LAMA2: variants seen among roughly 807,000 people sequenced by gnomAD.
LAMA2 encodes laminin subunit alpha-2.
LAMA2 carries 269 observed loss-of-function variants against 364.8 expected under a neutral mutation model. The ratio of observed to expected loss-of-function variants is 0.74; its 90% confidence interval spans 0.67 to 0.82. The LOEUF (loss-of-function observed/expected upper bound fraction) is 0.82. LAMA2 is among the 40% of genes least tolerant of loss of function. The pLI, the probability that LAMA2 is intolerant of heterozygous loss-of-function variation, is 0.00. For synonymous variants in LAMA2, 1,379 were observed against 1,370.6 expected (o/e 1.01, Z -0.14); for missense variants, 3,807 against 3,873.2 (o/e 0.98, Z 0.45).
intron 4 of LAMA2, among the ~76,000 whole-genome samples, chr6:129,115,958 A>C (rs558958783): frequency 1.4e-4 from 22 of 151,904 alleles, no homozygotes; most frequent in Non-Finnish European, 2.9e-4. Context: ...TCTTTTCCTG[A>C]CCTCCTAGGG....
chr6:129,482,876 T>C (rs931154709), intron 55 of LAMA2, among the ~76,000 whole-genome samples: 8 of 151,724 alleles, frequency 5.3e-5, no homozygotes, highest in Non-Finnish European at 7.4e-5. Flanking sequence ...CTGGCCAACA[T>C]AGTGAAATCC....
intron 17 of LAMA2, among the ~76,000 whole-genome samples, chr6:129,271,492 CAG>C (rs1787933953): frequency 1.7e-5 from 2 of 116,306 alleles, no homozygotes; most frequent in Admixed American, 1.1e-4. Flanking sequence ...TTTTTTGAGA[CAG>C]AGTCTCGCTC....
chr6:128,948,808 A>G (rs1421911216), intron 1 of LAMA2, among the ~76,000 whole-genome samples: 3 of 152,114 alleles, frequency 2.0e-5, no homozygotes, highest in Admixed American at 6.6e-5. Context: ...TCCATGTGAC[A>G]TGTGTGCTCC....
At chr6:128,929,843 A>G in intron 1 of LAMA2, 1 of 1,021,710 alleles carries the variant, frequency 9.8e-7, no homozygotes. Context: ...CTTGTAAGTG[A>G]AAAACTTGCC....
At chr6:129,264,533 G>A (rs1368780807) in intron 15 of LAMA2, among the ~76,000 whole-genome samples, 7 of 152,100 alleles carry the variant, frequency 4.6e-5, no homozygotes, top group African/African-American at 9.6e-5. Context: ...TTTGGAAGGC[G>A]TCATAAACTA....
At chr6:129,037,018 C>G (rs1441164848) in intron 1 of LAMA2, among the ~76,000 whole-genome samples, 2 of 152,240 alleles carry the variant, frequency 1.3e-5, no homozygotes, top group African/African-American at 2.4e-5. Context: ...CCAATATGCT[C>G]TGACACACCC....
intron 40 of LAMA2, among the ~76,000 whole-genome samples, chr6:129,415,936 A>ACTTT (rs1195076051): frequency 9.6e-6 from 1 of 103,836 alleles, no homozygotes. Flanking sequence ...GAAATTATAC[A>ACTTT]CTTTCTTTCT....
rs906336324 is a variant in LAMA2, at chr6:129,325,591, ACT to A, written c.4177-2674_4177-2673del. On this transcript the variant is annotated intron_variant, in intron 28 of 64. Coordinates refer to ENST00000421865, the MANE Select transcript of LAMA2 (RefSeq NM_000426.4). ...GTTTCTAATCTTTGCGTTGTCAAATACTCTCTCTCTCTCTTTTGCTACCTCAT... is the reference window on the plus strand; with the variant it reads ...GTTTCTAATCTTTGCGTTGTCAAATACTCTCTCTCTCTTTTGCTACCTCAT... Among the ~76,000 whole-genome samples the A allele has an allele frequency of 5.3e-5, 8 of 151,132 alleles. No homozygotes were observed. In the East Asian group the frequency reaches 7.8e-4, roughly 15 times the overall value.
At chr6:129,021,520 T>A (rs1004801134) in intron 1 of LAMA2, among the ~76,000 whole-genome samples, 1 of 152,206 alleles carries the variant, frequency 6.6e-6, no homozygotes, top group Non-Finnish European at 1.5e-5. Context: ...GAAGCTCTCA[T>A]GTTATTTTTC....
At chr6:129,429,757 C>A (rs923531619) in intron 41 of LAMA2, among the ~76,000 whole-genome samples, 4 of 152,102 alleles carry the variant, frequency 2.6e-5, no homozygotes, top group African/African-American at 4.8e-5. Context: ...AGGAAGGGAG[C>A]GAGGTGATTC....
intron 3 of LAMA2, among the ~76,000 whole-genome samples, chr6:129,078,019 A>G (rs769215692): frequency 5.9e-5 from 9 of 152,092 alleles, no homozygotes; most frequent in Non-Finnish European, 1.3e-4. Flanking sequence ...GGTAATTTTG[A>G]CGTGTCAATG....
chr6:129,489,353 CCCTT>C (rs1274988620), intron 56 of LAMA2, among the ~76,000 whole-genome samples: 2 of 133,242 alleles, frequency 1.5e-5, no homozygotes, highest in East Asian at 2.2e-4. Flanking sequence ...CATTCTCTCT[CCCTT>C]CCACCCCTTC....
intron 1 of LAMA2, among the ~76,000 whole-genome samples, chr6:128,898,637 T>C (rs922153887): frequency 6.6e-5 from 10 of 152,234 alleles, no homozygotes; most frequent in Non-Finnish European, 1.3e-4. Flanking sequence ...TTCTTTTCTC[T>C]TTTCCATTTT....
chr6:129,395,107 A>G (rs1037971913), intron 37 of LAMA2, among the ~76,000 whole-genome samples: 3 of 152,156 alleles, frequency 2.0e-5, no homozygotes, highest in Admixed American at 1.3e-4. Context: ...GCTCCCACCT[A>G]GAGAGTCTGT....
intron 9 of LAMA2, among the ~76,000 whole-genome samples, chr6:129,176,260 A>G (rs1170293783): frequency 6.6e-6 from 1 of 151,912 alleles, no homozygotes; most frequent in Non-Finnish European, 1.5e-5. Context: ...TTCTCTCATC[A>G]TGTTTGATAT....
At chr6:129,060,316 A>G (rs1788807795) in intron 3 of LAMA2, among the ~76,000 whole-genome samples, 1 of 152,228 alleles carries the variant, frequency 6.6e-6, no homozygotes, top group African/African-American at 2.4e-5. Context: ...ATTGCCTCTC[A>G]TTACTGAGAG....
intron 1 of LAMA2, among the ~76,000 whole-genome samples, chr6:128,990,301 A>C (rs1392287552): frequency 6.7e-6 from 1 of 149,246 alleles, no homozygotes; most frequent in African/African-American, 2.5e-5. Flanking sequence ...TTAATTATTG[A>C]TTATTTATGG....
chr6:129,407,945 A>T (rs1443101388), intron 40 of LAMA2, among the ~76,000 whole-genome samples: 1 of 151,974 alleles, frequency 6.6e-6, no homozygotes, highest in African/African-American at 2.4e-5. Flanking sequence ...CAACACTGAA[A>T]CCCCCTTCTT....
At chr6:128,887,923 T>C (rs1449001160) in intron 1 of LAMA2, among the ~76,000 whole-genome samples, 2 of 152,106 alleles carry the variant, frequency 1.3e-5, no homozygotes, top group African/African-American at 4.8e-5. Flanking sequence ...CAACTTATCA[T>C]CTATCCAGTT....
Sources: gnomAD v4.1 joint callset for allele counts (sites outside exome capture counted in the v4.1 genomes callset) on GRCh38, gnomAD v4.1.1 for gene constraint, MANE v1.5 for transcripts, NCBI Gene and HGNC (gene_info 2026-07-23, HGNC 2026-07-21) for gene names.